The following LRP2 variants were observed in gnomAD, a reference collection of about 807,000 sequenced individuals.
LRP2 encodes the protein low-density lipoprotein receptor-related protein 2.
Under a neutral mutation model 531.0 loss-of-function variants are expected in LRP2, and 172 were observed. The observed-to-expected ratio is 0.32, with a 90% CI of 0.29 to 0.37. The LOEUF is 0.37. Among genes scored for constraint, LRP2 ranks in the 10% least tolerant of loss-of-function variants. The pLI is 1.00. For synonymous variants in LRP2, 1,992 were observed against 2,027.6 expected (o/e 0.98, Z 0.47); for missense variants, 5,167 against 5,868.3 (o/e 0.88, Z 3.90).
At chr2:169,238,454 G>A in intron 26 of LRP2, 152 bp from the exon 27 acceptor site, 2 of 648,734 alleles carry the variant, frequency 3.1e-6, no homozygotes, top group Non-Finnish European at 5.5e-6. Context: ...AGCCCCATAT[G>A]AATGATTTTA....
rs747426438 is a variant in LRP2, at chr2:169,226,509, A to G, written c.5307T>C (p.Asp1769=). ...ISLNPEVKSN[D]AMVPIAGIQN... ...GTATCCCTGCTATGGGGACCATAGC[A>G]TCATTGCTCTTCACCTCAGGATTAA... Residue 1769 remains aspartate, a synonymous_variant, in exon 32 of 79, where the codon GAT becomes GAC. Coordinates refer to ENST00000649046, the MANE Select transcript of LRP2 (RefSeq NM_004525.3). The G allele has an allele frequency of 6.2e-7, 1 of 1,613,112 alleles. No homozygotes were observed. Among genetic ancestry groups the G allele is most frequent in the South Asian group, 1.1e-5 (1 of 91,068 alleles).
chr2:169,358,372 G>A (rs1446029426), intron 1 of LRP2, among the ~76,000 whole-genome samples: 1 of 152,030 alleles, frequency 6.6e-6, no homozygotes, highest in East Asian at 1.9e-4. Flanking sequence ...AAAAATGCAA[G>A]CAGACCAGTT....
At chr2:169,166,284 C>A (rs1290592431) in intron 61 of LRP2, among the ~76,000 whole-genome samples, 1 of 152,206 alleles carries the variant, frequency 6.6e-6, no homozygotes, top group Non-Finnish European at 1.5e-5. Context: ...CCTCATGGAA[C>A]TTTCATTCTA....
At chr2:169,292,009 C>G (rs939505907) in intron 7 of LRP2, among the ~76,000 whole-genome samples, 1 of 152,112 alleles carries the variant, frequency 6.6e-6, no homozygotes, top group African/African-American at 2.4e-5. Context: ...CCTATTTTGC[C>G]TTAAAGATAG....
intron 1 of LRP2, among the ~76,000 whole-genome samples, chr2:169,339,681 T>C (rs895077581): frequency 3.3e-5 from 5 of 152,208 alleles, no homozygotes; most frequent in East Asian, 3.8e-4. Flanking sequence ...TTGTACAATA[T>C]AGAATTACTA....
intron 31 of LRP2, among the ~76,000 whole-genome samples, chr2:169,231,031 C>G (rs529487582): frequency 6.6e-6 from 1 of 152,104 alleles, no homozygotes; most frequent in African/African-American, 2.4e-5. Flanking sequence ...CAGTGGTCCA[C>G]GTCTGTAATC....
At chr2:169,147,801 G>A (rs1470154280) in intron 68 of LRP2, among the ~76,000 whole-genome samples, 9 of 152,156 alleles carry the variant, frequency 5.9e-5, no homozygotes, top group East Asian at 3.8e-4. Flanking sequence ...CAAGTGATGC[G>A]GAGAGCAAGA....
At chr2:169,212,334 T>C (rs988439600) in intron 36 of LRP2, 127 bp from the exon 37 acceptor site, 217 of 1,210,672 alleles carry the variant, frequency 1.8e-4, no homozygotes, top group Non-Finnish European at 2.5e-4. Flanking sequence ...AGTAGCTGAG[T>C]TAGCAATCTA....
At chr2:169,200,666 T>A (rs543476242) in intron 44 of LRP2, among the ~76,000 whole-genome samples, 48 of 152,186 alleles carry the variant, frequency 3.2e-4, no homozygotes, top group Admixed American at 1.4e-3. Context: ...AACTCATTAC[T>A]CTGAAAATTG....
At chr2:169,268,526 A>G (rs543460935) in intron 16 of LRP2, among the ~76,000 whole-genome samples, 3 of 152,354 alleles carry the variant, frequency 2.0e-5, no homozygotes, top group African/African-American at 7.2e-5. Flanking sequence ...ATCTCAATAG[A>G]TGCAGAAAAG....
chr2:169,169,938 C>A, intron 59 of LRP2, 120 bp from the exon 60 acceptor site: 1 of 740,548 alleles, frequency 1.4e-6, no homozygotes, highest in South Asian at 1.4e-5. Flanking sequence ...TGGCTCACAG[C>A]AAACCCACAA....
At chr2:169,315,065 C>G (rs1359123909) in intron 3 of LRP2, among the ~76,000 whole-genome samples, 1 of 152,124 alleles carries the variant, frequency 6.6e-6, no homozygotes, top group Non-Finnish European at 1.5e-5. Flanking sequence ...TTTCAAAGGG[C>G]TTACGAAGAA....
At chr2:169,361,104 G>A (rs921300576) in intron 1 of LRP2, among the ~76,000 whole-genome samples, 6 of 152,082 alleles carry the variant, frequency 3.9e-5, no homozygotes, top group Non-Finnish European at 8.8e-5. Context: ...GTTGTCCGAC[G>A]GGAGGGAAGG....
At chr2:169,184,621 G>C (rs941599384) in intron 50 of LRP2, among the ~76,000 whole-genome samples, 1 of 152,204 alleles carries the variant, frequency 6.6e-6, no homozygotes, top group South Asian at 2.1e-4. Flanking sequence ...TGGTAGTTTA[G>C]TTAAAATATC....
At chr2:169,292,199 C>T in intron 7 of LRP2, 54 bp downstream of exon 7, 1 of 1,322,046 alleles carries the variant, frequency 7.6e-7, no homozygotes, top group Non-Finnish European at 1.1e-6. Flanking sequence ...AAAACAAGCG[C>T]TGGAAAACAC....
rs1224519531 is a variant in LRP2, at chr2:169,175,392, G to A, written c.10572-3C>T. ...ATTTCCACCAGATAGGAATGCACCTGCACAGAGAACATACAGCACTTCTTT... is the reference window on the plus strand; with the variant it reads ...ATTTCCACCAGATAGGAATGCACCTACACAGAGAACATACAGCACTTCTTT... On this transcript the variant is annotated splice_polypyrimidine_tract_variant and splice_region_variant and intron_variant, in intron 54 of 78. Coordinates refer to ENST00000649046, the MANE Select transcript of LRP2 (RefSeq NM_004525.3). 2 of 1,613,628 alleles carry A rather than the reference G, an allele frequency of 1.2e-6. No individual in the cohort carries two copies. Among genetic ancestry groups the A allele is most frequent in the African/African-American group, 2.7e-5 (2 of 74,914 alleles).
chr2:169,333,496 G>C (rs1435713492), intron 1 of LRP2, among the ~76,000 whole-genome samples: 1 of 132,248 alleles, frequency 7.6e-6, no homozygotes, highest in African/African-American at 2.7e-5. Flanking sequence ...AAGGAAGGAA[G>C]GAACGAAGGA....
chr2:169,210,879 G>A (rs1688568194), intron 37 of LRP2, among the ~76,000 whole-genome samples: 1 of 152,182 alleles, frequency 6.6e-6, no homozygotes, highest in Non-Finnish European at 1.5e-5. Context: ...GAATGTGAAT[G>A]CATATGCATG....
At chr2:169,178,470 A>G (rs561748275) in intron 52 of LRP2, among the ~76,000 whole-genome samples, 15 of 152,332 alleles carry the variant, frequency 9.8e-5, no homozygotes, top group African/African-American at 2.9e-4. Flanking sequence ...CTACCTTCTC[A>G]TTAACATTCC....
Sources: allele counts gnomAD v4.1 joint callset (sites outside exome capture counted in the v4.1 genomes callset), GRCh38; gene constraint gnomAD v4.1.1; transcripts MANE v1.5; gene names NCBI Gene and HGNC (gene_info 2026-07-23, HGNC 2026-07-21).